GPM6B: variants seen among roughly 807,000 people sequenced by gnomAD.
GPM6B encodes neuronal membrane glycoprotein M6-b.
In GPM6B, 4 loss-of-function variants were observed where a neutral mutation model predicts 27.2. The ratio of observed to expected loss-of-function variants is 0.15; its 90% CI spans 0.07 to 0.34. GPM6B has a LOEUF of 0.34. Ranked by LOEUF, GPM6B falls within the 10% of genes least tolerant of loss-of-function variation. The pLI, the probability that GPM6B is intolerant of heterozygous loss-of-function variation, is 1.00. For missense variants in GPM6B, 183 were observed against 261.9 expected (o/e 0.70, Z 2.08); for synonymous variants, 124 against 103.1 (o/e 1.20, Z -1.23).
At chrX:13,774,431 G>T in intron 7 of GPM6B, 1 of 1,141,563 alleles carries the variant, frequency 8.8e-7, no homozygotes. Context: ...GTTTACTAAA[G>T]CTATTTACAA....
rs1163965464 is a variant in GPM6B at position 13,892,942 on chromosome X, T to C, written c.-198+45385A>G. Among the ~76,000 whole-genome samples the C allele has an allele frequency of 6.3e-5, 7 of 111,888 alleles. No individual in the cohort carries two copies. In the East Asian group the frequency reaches 1.9e-3, roughly 31 times the overall value. On this transcript the variant is annotated intron_variant, in intron 1 of 6. Transcript: ENST00000398361. ...TACCTGCAGTCCCAGCTACTTGGGATTGCTTGAGCCCAGAAGTTGAAGGTT... is the reference window on the plus strand; with the variant it reads ...TACCTGCAGTCCCAGCTACTTGGGACTGCTTGAGCCCAGAAGTTGAAGGTT...
intron 1 of GPM6B, among the ~76,000 whole-genome samples, chrX:13,921,530 CAG>C (rs1306448593): frequency 9.1e-6 from 1 of 109,840 alleles, no homozygotes; most frequent in East Asian, 2.9e-4. Context: ...ACCCCATGGC[CAG>C]AGAGTAGCAG....
At chrX:13,842,889 C>T (rs902087654) in intron 1 of GPM6B, among the ~76,000 whole-genome samples, 7 of 111,758 alleles carry the variant, frequency 6.3e-5, no homozygotes, top group East Asian at 5.5e-4. Flanking sequence ...TCACTGATTA[C>T]GATGAAGCCA....
At chrX:13,853,628 C>T (rs910892131) in intron 1 of GPM6B, among the ~76,000 whole-genome samples, 1 of 99,305 alleles carries the variant, frequency 1.0e-5, no homozygotes, top group Non-Finnish European at 2.0e-5. Context: ...AAAAGACACA[C>T]GTGGAGTCTG....
intron 3 of GPM6B, chrX:13,783,847 TA>T (rs1243769673): frequency 8.2e-6 from 3 of 367,711 alleles, no homozygotes; most frequent in African/African-American, 5.0e-5. Flanking sequence ...ATTGAGGAGT[TA>T]AGCTCCTCAT....
intron 1 of GPM6B, among the ~76,000 whole-genome samples, chrX:13,905,230 CAAA>C (rs199791285): frequency 3.1e-5 from 2 of 64,739 alleles, no homozygotes; most frequent in African/African-American, 5.6e-5. Flanking sequence ...GGCCCTGTCT[CAAA>C]AAAAAAAAAA....
chrX:13,828,191 G>A (rs1230904813), intron 1 of GPM6B, among the ~76,000 whole-genome samples: 1 of 112,055 alleles, frequency 8.9e-6, no homozygotes, highest in Non-Finnish European at 1.9e-5. Flanking sequence ...AATTTCATGT[G>A]TTGGAAACTT....
At chrX:13,863,696 T>A (rs1164497425) in intron 1 of GPM6B, among the ~76,000 whole-genome samples, 2 of 112,046 alleles carry the variant, frequency 1.8e-5, no homozygotes, top group Non-Finnish European at 3.8e-5. Flanking sequence ...TTAACCATGA[T>A]CTCCTAATGG....
chrX:13,874,753 C>G (rs1476957331), intron 1 of GPM6B, among the ~76,000 whole-genome samples: 1 of 110,875 alleles, frequency 9.0e-6, no homozygotes, highest in Non-Finnish European at 1.9e-5. Context: ...CAAAAAAACA[C>G]AGACTCTGGA....
chrX:13,857,847 G>T (rs1234927293), intron 1 of GPM6B, among the ~76,000 whole-genome samples: 2 of 112,791 alleles, frequency 1.8e-5, no homozygotes, highest in African/African-American at 6.4e-5. Context: ...GCACTTCAAT[G>T]AGGTAGATAA....
rs761922736 is a variant in GPM6B at position 13,851,627 on chromosome X, G to A, written c.-197-65819C>T. The stretch of plus-strand genomic sequence containing the variant: ...TGGAAGGATGGGTAAAGTCACCTCA[G>A]GCATGCAATGAAAAAAAAAAAACCA... On this transcript the variant is annotated intron_variant, in intron 1 of 6. Transcript: ENST00000398361. Among the ~76,000 whole-genome samples, 3 of 81,114 alleles carry A rather than the reference G, an allele frequency of 3.7e-5. No homozygotes were observed. The South Asian group carries it at 2.0e-3, about 55-fold the overall frequency. The allele number at this position is 81,114 out of a possible 115,157, so 70.4% of individuals were successfully genotyped here.
intron 1 of GPM6B, chrX:13,812,896 A>C (rs1359912911): frequency 9.4e-6 from 1 of 106,534 alleles, no homozygotes; most frequent in East Asian, 2.9e-4. Flanking sequence ...GATCTTTTCC[A>C]CATTTAAATG....
At chrX:13,839,482 T>C (rs1218229106) in intron 1 of GPM6B, among the ~76,000 whole-genome samples, 1 of 112,066 alleles carries the variant, frequency 8.9e-6, no homozygotes, top group Non-Finnish European at 1.9e-5. Context: ...CTTCTTTAAA[T>C]ATTTTTACAG....
intron 1 of GPM6B, among the ~76,000 whole-genome samples, chrX:13,886,131 A>AT (rs764944175): frequency 1.2e-4 from 14 of 112,002 alleles, no homozygotes; most frequent in East Asian, 5.6e-4. Flanking sequence ...AAACACATTC[A>AT]TTTTTTTCAT....
At chrX:13,899,165 C>T (rs777352157) in intron 1 of GPM6B, among the ~76,000 whole-genome samples, 28 of 110,150 alleles carry the variant, frequency 2.5e-4, no homozygotes, top group African/African-American at 8.9e-4. Flanking sequence ...AATCCCAGCT[C>T]TTTGGGAGGC....
At chrX:13,781,594 C>G (rs1382884970) in intron 4 of GPM6B, among the ~76,000 whole-genome samples, 1 of 111,259 alleles carries the variant, frequency 9.0e-6, no homozygotes, top group Non-Finnish European at 1.9e-5. Context: ...CCTCCTCTCC[C>G]ATGTGAATTG....
chrX:13,796,444 T>A (rs886634571), intron 2 of GPM6B, among the ~76,000 whole-genome samples: 1 of 112,021 alleles, frequency 8.9e-6, no homozygotes, highest in Non-Finnish European at 1.9e-5. Flanking sequence ...GGGTCAACTG[T>A]TTCTAAGCAC....
At chrX:13,931,179 C>T (rs766968586) in intron 1 of GPM6B, among the ~76,000 whole-genome samples, 1 of 89,003 alleles carries the variant, frequency 1.1e-5, no homozygotes, top group South Asian at 4.9e-4. Flanking sequence ...ACTAGACTGT[C>T]TCAAAAAAAC....
At chrX:13,925,337 C>T (rs1015337529) in intron 1 of GPM6B, among the ~76,000 whole-genome samples, 3 of 111,604 alleles carry the variant, frequency 2.7e-5, no homozygotes, top group Non-Finnish European at 5.6e-5. Flanking sequence ...AATTGCTTTA[C>T]TTTTTTATTT....
Sources: allele counts gnomAD v4.1 joint callset (sites outside exome capture counted in the v4.1 genomes callset), GRCh38; gene constraint gnomAD v4.1.1; transcripts MANE v1.5; gene names NCBI Gene and HGNC (gene_info 2026-07-23, HGNC 2026-07-21).